The following CAMTA1 variants were observed in gnomAD, a reference collection of about 807,000 sequenced individuals.
The protein encoded by CAMTA1 is calmodulin-binding transcription activator 1.
A neutral mutation model predicts 170.9 loss-of-function variants in CAMTA1; 27 were observed. That is an observed-to-expected ratio of 0.16 (90% confidence interval 0.12 to 0.22). The LOEUF is 0.22. Among genes scored for constraint, CAMTA1 ranks in the 10% least tolerant of loss-of-function variants. The pLI is 1.00. For synonymous variants in CAMTA1, 833 were observed against 891.5 expected (o/e 0.93, Z 1.17); for missense variants, 1,619 against 2,217.2 (o/e 0.73, Z 5.42).
Position 7,654,810 on chromosome 1 carries a change from CACACACCACACACACCCCTATACACACGA to C in CAMTA1, c.665-6908_665-6880del, listed in dbSNP as rs1558062620. 2.3e-3 allele frequency among the ~76,000 whole-genome samples: 70 copies of C among 30,338 alleles called. 2 individuals carry two copies. The highest frequency in any genetic ancestry group is 8.3e-4 in the Non-Finnish European group (6 of 7,228). 19.9% of individuals were successfully genotyped at this position (30,338 alleles called of 152,430 possible). A position where few individuals can be genotyped will look rare whatever the true frequency, so the allele number is the denominator to read the frequency against. On this transcript the variant is annotated intron_variant, in intron 7 of 22. Transcript: ENST00000303635. ...ACCCACACACCTATACACACACCCACACACACCACACACACCCCTATACACACGAACACACCCACCTGTACACATACCCA... is the reference window on the plus strand; with the variant it reads ...ACCCACACACCTATACACACACCCACACACACCCACCTGTACACATACCCA...
At chr1:7,371,954 T>C (rs1360349749) in intron 5 of CAMTA1, among the ~76,000 whole-genome samples, 2 of 152,148 alleles carry the variant, frequency 1.3e-5, no homozygotes, top group South Asian at 4.1e-4. Context: ...AACTGGCCAG[T>C]GGCTGAGATG....
At chr1:7,648,276 C>T (rs983411630) in intron 7 of CAMTA1, among the ~76,000 whole-genome samples, 6 of 151,834 alleles carry the variant, frequency 4.0e-5, no homozygotes, top group African/African-American at 1.5e-4. Context: ...CCTGTAATCA[C>T]AACTACTTGG....
intron 6 of CAMTA1, among the ~76,000 whole-genome samples, chr1:7,583,829 C>T (rs1213172492): frequency 6.6e-6 from 1 of 152,144 alleles, no homozygotes; most frequent in Non-Finnish European, 1.5e-5. Flanking sequence ...TTAGAAGGTG[C>T]CGTCTCCCGG....
rs78806939 is a variant in CAMTA1, at chr1:6,855,496, A to G, written c.234+30286A>G. Among the ~76,000 whole-genome samples, 395 of 151,792 alleles carry G rather than the reference A, an allele frequency of 2.6e-3. 1 individual carries two copies. Among genetic ancestry groups the G allele is most frequent in the African/African-American group, 9.2e-3 (382 of 41,402 alleles). ...AGAGAGAGGAGGGGAGGTGCTACAC[A>G]CTTTTAAACAGTCGGATCTCCTGAG... On this transcript the variant is annotated intron_variant, in intron 3 of 22. Coordinates refer to ENST00000303635, the MANE Select transcript of CAMTA1 (RefSeq NM_015215.4).
At chr1:6,849,018 A>C (rs1398098987) in intron 3 of CAMTA1, among the ~76,000 whole-genome samples, 1 of 152,232 alleles carries the variant, frequency 6.6e-6, no homozygotes, top group East Asian at 1.9e-4. Context: ...GAAAGGGTTC[A>C]TGACAATTGA....
intron 3 of CAMTA1, among the ~76,000 whole-genome samples, chr1:6,902,748 T>G (rs928373984): frequency 6.6e-6 from 1 of 152,172 alleles, no homozygotes; most frequent in Non-Finnish European, 1.5e-5. Context: ...GAAATACAAG[T>G]TAAAACCACA....
At chr1:7,117,829 G>T (rs1006213364) in intron 4 of CAMTA1, among the ~76,000 whole-genome samples, 3 of 152,104 alleles carry the variant, frequency 2.0e-5, no homozygotes, top group Admixed American at 1.3e-4. Flanking sequence ...GGACTCTCTC[G>T]CTTCTTCCAG....
chr1:7,062,041 C>T lies in CAMTA1; in HGVS notation c.235-29263C>T, dbSNP rs552441891. On this transcript the variant is annotated intron_variant, in intron 3 of 22. Transcript: ENST00000303635. ...CAAGTGATTCTCCTGCCTCAGCCTC[C>T]CGAGTAGCTGGGATTATAGGCGCCC... Among the ~76,000 whole-genome samples the T allele has an allele frequency of 9.2e-4, 140 of 152,160 alleles. 2 individuals are homozygous for T. The highest frequency in any genetic ancestry group is 1.6e-3 in the Non-Finnish European group (112 of 68,004).
At chr1:7,649,679 G>A (rs2095835745) in intron 7 of CAMTA1, among the ~76,000 whole-genome samples, 1 of 152,238 alleles carries the variant, frequency 6.6e-6, no homozygotes, top group Admixed American at 6.5e-5. Context: ...GACTGGAAGA[G>A]AAATACTGCT....
Position 7,627,755 on chromosome 1 carries a change from A to G in CAMTA1, c.511-12645A>G, listed in dbSNP as rs561625374. On this transcript the variant is annotated intron_variant, in intron 6 of 22. Coordinates refer to ENST00000303635, the MANE Select transcript of CAMTA1 (RefSeq NM_015215.4). Reference sequence around the variant, plus strand: ...GACTACTTAATTCCTTACGTTTTAGATTCTTTATGTGTAAAGCAGATGGGG... The same window carrying G: ...GACTACTTAATTCCTTACGTTTTAGGTTCTTTATGTGTAAAGCAGATGGGG... Among the ~76,000 whole-genome samples the G allele has an allele frequency of 2.0e-5, 3 of 152,300 alleles. No homozygotes were observed. The East Asian group carries it at 5.8e-4, about 29-fold the overall frequency.
Position 7,177,206 on chromosome 1 carries a change from C to T in CAMTA1, c.303-72285C>T, listed in dbSNP as rs186161584. On this transcript the variant is annotated intron_variant, in intron 4 of 22. Coordinates refer to ENST00000303635, the MANE Select transcript of CAMTA1 (RefSeq NM_015215.4). ...AAATCTCCTCCCCCATGCCAAGGCT[C>T]CTCCCCACACAGTGAGGCACCACCC... Among the ~76,000 whole-genome samples, 227 of 151,392 alleles carry T rather than the reference C, an allele frequency of 1.5e-3. 2 individuals are homozygous for T. Among genetic ancestry groups the T allele is most frequent in the South Asian group, 7.3e-3 (35 of 4,770 alleles).
At chr1:6,964,163 T>C (rs996146243) in intron 3 of CAMTA1, among the ~76,000 whole-genome samples, 3 of 151,384 alleles carry the variant, frequency 2.0e-5, no homozygotes, top group African/African-American at 4.9e-5. Flanking sequence ...TCTGGGTAGG[T>C]TCAGTGTCCT....
At chr1:7,497,478 C>A (rs1332449644) in intron 6 of CAMTA1, among the ~76,000 whole-genome samples, 1 of 152,218 alleles carries the variant, frequency 6.6e-6, no homozygotes, top group Non-Finnish European at 1.5e-5. Context: ...GGAATGACAT[C>A]CCCAGCCCTG....
At chr1:7,059,223 A>C (rs1400585754) in intron 3 of CAMTA1, among the ~76,000 whole-genome samples, 1 of 152,188 alleles carries the variant, frequency 6.6e-6, no homozygotes, top group Non-Finnish European at 1.5e-5. Context: ...CTGCTTCCTT[A>C]CTGACCTCAG....
At chr1:7,624,016 G>T (rs1004059477) in intron 6 of CAMTA1, among the ~76,000 whole-genome samples, 1 of 152,240 alleles carries the variant, frequency 6.6e-6, no homozygotes, top group Non-Finnish European at 1.5e-5. Flanking sequence ...TTTTTGAACG[G>T]TGCTGTTCTG....
chr1:7,698,642 C>T (rs2096404480), intron 11 of CAMTA1: 1 of 150,234 alleles, frequency 6.7e-6, no homozygotes, highest in African/African-American at 2.4e-5. Flanking sequence ...GCAAAGCTCC[C>T]CCTTTCCCCT....
At chr1:7,271,546 G>T (rs944546008) in intron 5 of CAMTA1, among the ~76,000 whole-genome samples, 1 of 149,260 alleles carries the variant, frequency 6.7e-6, no homozygotes, top group East Asian at 2.0e-4. Flanking sequence ...CTGGTAAACT[G>T]TTAATTACAC....
In CAMTA1 at chr1:7,664,352, C is replaced by T. The variant is rs150582508; in HGVS notation, c.1805C>T (p.Thr602Met). Residue 602 changes from threonine (T) to methionine (M), a missense_variant, in exon 9 of 23, where the codon ACG becomes ATG. Physicochemically the swap from Thr to Met is moderately conservative, Grantham distance 81 (BLOSUM62 -1). Around this residue, in one of 8 missense-constraint regions of CAMTA1, gnomAD observed 731 missense variants for 907.6 expected, o/e 0.81. Coordinates refer to ENST00000303635, the MANE Select transcript of CAMTA1 (RefSeq NM_015215.4). Reference sequence around the variant, plus strand: ...GACTACACGTCCAGCTTCAGCCAGACGGGCCACAGCCCCCACATCCACCAG... The same window carrying T: ...GACTACACGTCCAGCTTCAGCCAGATGGGCCACAGCCCCCACATCCACCAG... ...NKDYTSSFSQ[T>M]GHSPHIHQTP... The T allele has an allele frequency of 1.1e-5, 18 of 1,613,520 alleles. No homozygotes were observed. Among genetic ancestry groups the T allele is most frequent in the Non-Finnish European group, 1.4e-5 (17 of 1,180,030 alleles).
rs1422212742 is a variant in CAMTA1, at chr1:6,970,831, A to G, written c.235-120473A>G. The stretch of plus-strand genomic sequence containing the variant: ...GAACAGACCCAACAACCTCAGGAGA[A>G]TGAACAGCCAGGTGTTCCCTGAGGC... On this transcript the variant is annotated intron_variant, in intron 3 of 22. Coordinates refer to ENST00000303635, the MANE Select transcript of CAMTA1 (RefSeq NM_015215.4). This position sits in a 1 kb window ranked among gnomAD's most constrained non-coding sequence, Gnocchi z 4.4. 6.6e-6 allele frequency among the ~76,000 whole-genome samples: 1 copy of G among 152,184 alleles called. No individual in the cohort carries two copies.
Sources: allele counts gnomAD v4.1 joint callset (sites outside exome capture counted in the v4.1 genomes callset), GRCh38; gene constraint gnomAD v4.1.1; regional missense constraint gnomAD v4.1.1; non-coding constraint Gnocchi (gnomAD v3.1); transcripts MANE v1.5; gene names NCBI Gene and HGNC (gene_info 2026-07-23, HGNC 2026-07-21).